CSMD2: variants seen among roughly 807,000 people sequenced by gnomAD.
CSMD2 encodes the protein CUB and Sushi multiple domains 2.
A neutral mutation model predicts 398.5 loss-of-function variants in CSMD2; 130 were observed. That is an observed-to-expected ratio of 0.33 (90% confidence interval 0.28 to 0.38). The LOEUF is 0.38. CSMD2 is among the 10% of genes least tolerant of loss of function. CSMD2 has a pLI of 1.00. For missense variants in CSMD2, 3,829 were observed against 4,764.9 expected, an observed-to-expected ratio of 0.80 and a Z score of 5.78; for synonymous variants, 1,828 against 1,908.5, an observed-to-expected ratio of 0.96 and a Z score of 1.10.
intron 1 of CSMD2, among the ~76,000 whole-genome samples, chr1:34,096,402 T>C (rs553112585): frequency 4.6e-5 from 7 of 152,184 alleles, no homozygotes; most frequent in Admixed American, 3.3e-4. Flanking sequence ...CGTTGGAAGC[T>C]CTGGCCAGGG....
rs1340086059 is a variant in CSMD2, at chr1:33,617,535, C to T, written c.5910G>A (p.Val1970=). The change falls in exon 38 of 71, where the codon GTG becomes GTA. Residue 1970 remains valine (V), a synonymous_variant. Transcript: ENST00000373381. ...ATCCCGGCTCACACTGGAAAGACAC[C>T]ACATCATTCACCAAGTAGCGCTCGC... ...KTGERYLVND[V]VSFQCEPGYA... is the part of the protein sequence containing the mutation. 1.2e-6 allele frequency: 2 copies of T among 1,613,992 alleles called. No homozygotes were observed. The highest frequency in any genetic ancestry group is 2.2e-5 in the East Asian group (1 of 44,868).
chr1:34,147,847 C>T (rs1353470761), intron 1 of CSMD2, among the ~76,000 whole-genome samples: 3 of 152,142 alleles, frequency 2.0e-5, no homozygotes, highest in South Asian at 2.1e-4. Context: ...GCAAGGCTCA[C>T]GCAGCTGTTT....
intron 3 of CSMD2, among the ~76,000 whole-genome samples, chr1:33,992,876 CAAAA>C (rs199827617): frequency 1.6e-5 from 1 of 61,830 alleles, no homozygotes; most frequent in Admixed American, 1.6e-4. Flanking sequence ...GACTCCATCT[CAAAA>C]AAAAAAAAAA....
intron 15 of CSMD2, among the ~76,000 whole-genome samples, chr1:33,729,278 C>A (rs1347485128): frequency 6.6e-6 from 1 of 152,118 alleles, no homozygotes; most frequent in East Asian, 1.9e-4. Context: ...TTGGCGGTCA[C>A]CACTTTGCTT....
intron 49 of CSMD2, among the ~76,000 whole-genome samples, chr1:33,573,946 G>A (rs1416423099): frequency 6.6e-6 from 1 of 152,158 alleles, no homozygotes; most frequent in Non-Finnish European, 1.5e-5. Context: ...GTGAAGGAAC[G>A]AGAATCAAAC....
At position 33,935,814 on chromosome 1, in the gene CSMD2, G is replaced by A. The variant is rs1024341875; in HGVS notation, c.658C>T (p.His220Tyr). The A allele has an allele frequency of 1.2e-6, 2 of 1,614,030 alleles. No homozygotes were observed. The highest frequency in any genetic ancestry group is 3.3e-5 in the Admixed American group (2 of 60,008). Reference sequence around the variant, plus strand: ...GTGGCGCTGTTCTCAGAGCCAGCGTGGCAGGTGAGCACGGCGTGGCCCTCC... The same window carrying A: ...GTGGCGCTGTTCTCAGAGCCAGCGTAGCAGGTGAGCACGGCGTGGCCCTCC... ...FLEGHAVLTC[H>Y]AGSENSATWD... Residue 220 changes from histidine (H) to tyrosine (Y), a missense_variant, in exon 4 of 71, where the codon CAC becomes TAC. This residue lies in a region of CSMD2 where 2,001 missense variants were observed against 2,567.1 expected (regional missense o/e 0.78). Coordinates refer to ENST00000373381, the MANE Select transcript of CSMD2 (RefSeq NM_001281956.2).
chr1:34,109,253 G>T (rs763914701), intron 1 of CSMD2, among the ~76,000 whole-genome samples: 7 of 152,204 alleles, frequency 4.6e-5, no homozygotes, highest in African/African-American at 1.7e-4. Context: ...TAAAGGAAAG[G>T]GTTTTGTGTT....
chr1:33,864,085 A>G, intron 5 of CSMD2: 1 of 1,103,772 alleles, frequency 9.1e-7, no homozygotes, highest in South Asian at 1.6e-5. Context: ...TTGCAGACAG[A>G]AAAATTCGCT....
At chr1:33,817,425 T>C (rs1384435163) in intron 9 of CSMD2, among the ~76,000 whole-genome samples, 2 of 152,288 alleles carry the variant, frequency 1.3e-5, no homozygotes, top group East Asian at 3.9e-4. Flanking sequence ...TGTTCACAAA[T>C]GAAGGCCTGT....
chr1:33,567,466 A>T, intron 53 of CSMD2, 127 bp downstream of exon 53: 1 of 475,716 alleles, frequency 2.1e-6, no homozygotes. Context: ...TTTTGAAAAA[A>T]AAAATAGCAA....
chr1:33,779,403 T>C (rs1311047416), intron 12 of CSMD2, among the ~76,000 whole-genome samples: 6 of 152,182 alleles, frequency 3.9e-5, no homozygotes, highest in South Asian at 4.1e-4. Context: ...ATCTGTAAAA[T>C]GGAAATGGTA....
chr1:33,741,909 T>C lies in CSMD2; in HGVS notation c.2173+1371A>G, dbSNP rs560761295. On this transcript the variant is annotated intron_variant, in intron 14 of 70. Coordinates refer to ENST00000373381, the MANE Select transcript of CSMD2 (RefSeq NM_001281956.2). ...TACCTTTTATCCTTGTTCTTCCTAC[T>C]CCGCCAGGGCAAGAGAAAGCATTTA... Among the ~76,000 whole-genome samples, 7 of 152,322 alleles carry C rather than the reference T, an allele frequency of 4.6e-5. No homozygotes were observed. In the South Asian group the frequency reaches 1.5e-3, roughly 32 times the overall value.
At chr1:34,041,164 A>G (rs1047428631) in intron 2 of CSMD2, among the ~76,000 whole-genome samples, 4 of 152,096 alleles carry the variant, frequency 2.6e-5, no homozygotes, top group African/African-American at 9.7e-5. Context: ...TTATTTAAAT[A>G]AGGAAGAGGG....
chr1:33,746,082 T>TC (rs1647339854), intron 13 of CSMD2, among the ~76,000 whole-genome samples: 1 of 151,978 alleles, frequency 6.6e-6, no homozygotes, highest in Non-Finnish European at 1.5e-5. Flanking sequence ...GAATAACACT[T>TC]CCCCCTGGGC....
intron 27 of CSMD2, among the ~76,000 whole-genome samples, chr1:33,654,479 A>G (rs1643890961): frequency 6.6e-6 from 1 of 152,176 alleles, no homozygotes; most frequent in African/African-American, 2.4e-5. Context: ...GGGAGAGCAC[A>G]GTTGTTGCAG....
chr1:34,120,848 T>C (rs1224320990), intron 1 of CSMD2, among the ~76,000 whole-genome samples: 1 of 152,168 alleles, frequency 6.6e-6, no homozygotes, highest in Admixed American at 6.5e-5. Context: ...CCTGGCCTGG[T>C]AACTTTAGTT....
chr1:33,581,311 C>A (rs1638683335), intron 47 of CSMD2, among the ~76,000 whole-genome samples: 1 of 142,958 alleles, frequency 7.0e-6, no homozygotes, highest in African/African-American at 2.6e-5. Flanking sequence ...CACTTGAGCC[C>A]AGGAGTTTGA....
intron 1 of CSMD2, among the ~76,000 whole-genome samples, chr1:34,089,972 T>C (rs868073047): frequency 6.6e-6 from 1 of 152,180 alleles, no homozygotes; most frequent in African/African-American, 2.4e-5. Context: ...TCCATTTCCT[T>C]ACTTCCCACT....
intron 1 of CSMD2, among the ~76,000 whole-genome samples, chr1:34,156,094 T>A (rs551099061): frequency 1.3e-5 from 2 of 152,316 alleles, no homozygotes; most frequent in African/African-American, 4.8e-5. Context: ...CATAGGTCCC[T>A]GGCAGGAGGG....
Sources: allele counts gnomAD v4.1 joint callset (sites outside exome capture counted in the v4.1 genomes callset), GRCh38; gene constraint gnomAD v4.1.1; regional missense constraint gnomAD v4.1.1; transcripts MANE v1.5; gene names NCBI Gene and HGNC (gene_info 2026-07-23, HGNC 2026-07-21).